TTC39B: variants seen among roughly 807,000 people sequenced by gnomAD.
The protein encoded by TTC39B is tetratricopeptide repeat protein 39B.
In TTC39B, 92 loss-of-function variants were observed where a neutral mutation model predicts 96.6. The ratio of observed to expected loss-of-function variants is 0.95; its 90% CI spans 0.80 to 1.13. The LOEUF is 1.13. TTC39B is among the 50% of genes most tolerant of loss of function. TTC39B has a pLI of 0.00. For synonymous variants in TTC39B, 367 were observed against 299.4 expected, an observed-to-expected ratio of 1.23 and a Z score of -2.33; for missense variants, 955 against 809.3, an observed-to-expected ratio of 1.18 and a Z score of -2.18.
chr9:15,214,022 TA>T, intron 4 of TTC39B, 116 bp downstream of exon 4: 1 of 709,284 alleles, frequency 1.4e-6, no homozygotes, highest in Non-Finnish European at 2.3e-6. Flanking sequence ...AGGTCTGAAC[TA>T]AATTAGCTTA....
intron 1 of TTC39B, among the ~76,000 whole-genome samples, chr9:15,281,587 A>C (rs1334610911): frequency 6.9e-6 from 1 of 144,684 alleles, no homozygotes; most frequent in Non-Finnish European, 1.5e-5. Context: ...CTAAGACTAA[A>C]TTATCCTCCA....
intron 7 of TTC39B, among the ~76,000 whole-genome samples, chr9:15,200,975 G>C (rs774773770): frequency 6.6e-6 from 1 of 152,134 alleles, no homozygotes; most frequent in South Asian, 2.1e-4. Context: ...CTCCAGCCTG[G>C]TGACAGAGCG....
intron 2 of TTC39B, among the ~76,000 whole-genome samples, chr9:15,229,110 C>T (rs1821287828): frequency 6.6e-6 from 1 of 152,180 alleles, no homozygotes; most frequent in African/African-American, 2.4e-5. Flanking sequence ...TTTAAGAATG[C>T]ATTTTCTCAT....
chr9:15,173,247 T>C (rs564505136), intron 19 of TTC39B, among the ~76,000 whole-genome samples: 7 of 152,310 alleles, frequency 4.6e-5, no homozygotes, highest in Admixed American at 1.3e-4. Context: ...ACATGAAATA[T>C]TGGTCATACT....
chr9:15,208,551 A>C (rs1005691519), intron 6 of TTC39B, among the ~76,000 whole-genome samples: 9 of 152,178 alleles, frequency 5.9e-5, no homozygotes, highest in Non-Finnish European at 1.0e-4. Flanking sequence ...ATTTTAGTGA[A>C]CTTTAGGTCT....
intron 8 of TTC39B, among the ~76,000 whole-genome samples, chr9:15,196,630 G>A (rs1015165273): frequency 6.6e-6 from 1 of 152,196 alleles, no homozygotes; most frequent in African/African-American, 2.4e-5. Flanking sequence ...GCCTCTTATG[G>A]ATGAGCAAGA....
At chr9:15,226,003 G>A in exon 3 of TTC39B, 1 of 1,613,604 alleles carries the variant, frequency 6.2e-7, no homozygotes, top group Non-Finnish European at 8.5e-7. Flanking sequence ...CCATATCTGA[G>A]TGAGAAGATC....
intron 2 of TTC39B, among the ~76,000 whole-genome samples, chr9:15,242,699 C>G (rs1822099975): frequency 6.6e-6 from 1 of 152,114 alleles, no homozygotes; most frequent in Non-Finnish European, 1.5e-5. Flanking sequence ...TTCTCTGGAG[C>G]AAAATCCTAT....
At chr9:15,186,184 C>T (rs982123620) in intron 15 of TTC39B, among the ~76,000 whole-genome samples, 1 of 152,096 alleles carries the variant, frequency 6.6e-6, no homozygotes, top group African/African-American at 2.4e-5. Context: ...AAATAATATG[C>T]CTCCAATATG....
chr9:15,258,149 G>A (rs556225937), intron 2 of TTC39B, among the ~76,000 whole-genome samples: 29 of 152,204 alleles, frequency 1.9e-4, no homozygotes, highest in African/African-American at 6.7e-4. Flanking sequence ...CAAAAGAAGC[G>A]GGAACACACA....
In TTC39B at chr9:15,306,958, C is replaced by A; in HGVS notation, c.240+126G>T. ...GCCGGGCGCCCCCACCCGGCGCCCGCCAGCCCACCCCAGAGAGGGGACCAA... is the reference window on the plus strand; with the variant it reads ...GCCGGGCGCCCCCACCCGGCGCCCGACAGCCCACCCCAGAGAGGGGACCAA... On this transcript the variant is annotated intron_variant, in intron 1 of 19. Transcript: ENST00000512701. This position sits in a 1 kb window ranked among gnomAD's most constrained non-coding sequence, Gnocchi z 5.1. 2 of 1,413,998 alleles carry A rather than the reference C, an allele frequency of 1.4e-6. No homozygotes were observed. 87.6% of individuals were successfully genotyped at this position (1,413,998 alleles called of 1,614,324 possible).
At chr9:15,167,024 ATATATTTTTTTTTTTTTTT>A (rs1817541273) in exon 20 of TTC39B, 1 of 11,624 alleles carries the variant, frequency 8.6e-5, no homozygotes, top group Non-Finnish European at 1.4e-4. Flanking sequence ...ATATATATAT[ATATATTTTTTTTTTTTTTT>A]TTTTTTTTTT....
At chr9:15,280,430 G>A (rs919798521) in intron 1 of TTC39B, among the ~76,000 whole-genome samples, 1 of 152,160 alleles carries the variant, frequency 6.6e-6, no homozygotes, top group Non-Finnish European at 1.5e-5. Flanking sequence ...GATAGAGTGA[G>A]AAACAAATGT....
intron 1 of TTC39B, among the ~76,000 whole-genome samples, chr9:15,269,522 C>T (rs1243937844): frequency 6.6e-6 from 1 of 152,148 alleles, no homozygotes; most frequent in Non-Finnish European, 1.5e-5. Context: ...ATACTGGATT[C>T]TGCGGTGAGG....
At chr9:15,224,290 G>A (rs997727452) in intron 3 of TTC39B, 4 of 152,456 alleles carry the variant, frequency 2.6e-5, no homozygotes, top group African/African-American at 7.2e-5. Flanking sequence ...CTGTATCCAT[G>A]AAGACCTCTT....
chr9:15,220,423 A>G (rs764813782), intron 3 of TTC39B, among the ~76,000 whole-genome samples: 1 of 152,236 alleles, frequency 6.6e-6, no homozygotes, highest in Non-Finnish European at 1.5e-5. Context: ...CGAGACTTCC[A>G]AGAAAGTCAT....
chr9:15,264,811 A>G (rs1156242330), intron 2 of TTC39B, among the ~76,000 whole-genome samples: 2 of 151,958 alleles, frequency 1.3e-5, no homozygotes, highest in Admixed American at 6.6e-5. Context: ...AGCAAAAACA[A>G]AAAGTACACA....
At chr9:15,221,023 G>A (rs1172388190) in intron 3 of TTC39B, among the ~76,000 whole-genome samples, 1 of 152,208 alleles carries the variant, frequency 6.6e-6, no homozygotes, top group Non-Finnish European at 1.5e-5. Context: ...GCTACGAGCT[G>A]CATGCACATA....
At chr9:15,166,797 A>T (rs547044403) in exon 20 of TTC39B, 1 of 151,480 alleles carries the variant, frequency 6.6e-6, no homozygotes, top group Admixed American at 6.6e-5. Flanking sequence ...TGTATAAAAC[A>T]ATGTCTATTT....
Sources: allele counts gnomAD v4.1 joint callset (sites outside exome capture counted in the v4.1 genomes callset), GRCh38; gene constraint gnomAD v4.1.1; non-coding constraint Gnocchi (gnomAD v3.1); transcripts MANE v1.5; gene names NCBI Gene and HGNC (gene_info 2026-07-23, HGNC 2026-07-21).